Variants in ICE2 observed in about 807,000 individuals in gnomAD.
ICE2 encodes the protein interactor of little elongation complex ELL subunit 2, also known as little elongation complex subunit 2.
A neutral mutation model predicts 105.4 loss-of-function variants in ICE2; 87 were observed. That is an observed-to-expected ratio of 0.83 (90% CI 0.69 to 0.99). ICE2 has a LOEUF of 0.99. Among genes scored for constraint, ICE2 ranks in the 50% least tolerant of loss-of-function variants. The pLI is 0.00. For missense variants in ICE2, 1,323 were observed against 1,146.7 expected, an observed-to-expected ratio of 1.15 and a Z score of -2.22; for synonymous variants, 399 against 392.0, an observed-to-expected ratio of 1.02 and a Z score of -0.21.
chr15:60,452,631 TA>T, intron 9 of ICE2: 1 of 157,816 alleles, frequency 6.3e-6, no homozygotes, highest in Non-Finnish European at 1.4e-5. Flanking sequence ...AAGTTCTCTA[TA>T]AACAATGTAT....
intron 12 of ICE2, chr15:60,438,279 A>T (rs2063641376): frequency 6.6e-6 from 1 of 152,232 alleles, no homozygotes; most frequent in Non-Finnish European, 1.5e-5. Flanking sequence ...CCTAATATTT[A>T]GGTATCAAAA....
chr15:60,459,829 A>C (rs561097651), intron 5 of ICE2, among the ~76,000 whole-genome samples: 14 of 152,288 alleles, frequency 9.2e-5, no homozygotes, highest in Admixed American at 9.2e-4. Context: ...TCGACATGTA[A>C]ATTCCAAACC....
chr15:60,448,534 AAATC>A (rs1258516672), intron 10 of ICE2, among the ~76,000 whole-genome samples: 13 of 152,254 alleles, frequency 8.5e-5, no homozygotes, highest in African/African-American at 1.7e-4. Context: ...AATAAATTTT[AAATC>A]AATCAATGTT....
intron 15 of ICE2, among the ~76,000 whole-genome samples, chr15:60,425,569 C>T (rs1054503605): frequency 1.3e-5 from 2 of 152,144 alleles, no homozygotes; most frequent in Admixed American, 1.3e-4. Context: ...CTACTTGATG[C>T]AGTAGGGAGG....
rs756757402 is a variant in ICE2, at chr15:60,428,414, C to T, written c.2820+15G>A. 9.3e-6 allele frequency: 15 copies of T among 1,604,882 alleles called. No homozygotes were observed. Among genetic ancestry groups the T allele is most frequent in the Admixed American group, 3.4e-5 (2 of 59,032 alleles). On this transcript the variant is annotated intron_variant, in intron 15 of 15. Coordinates refer to ENST00000261520, the MANE Select transcript of ICE2 (RefSeq NM_024611.6). ...AAACAACCTAATGAACCTTTAATTT[C>T]AAAAAAGATCTTACCTTTTGTTGTG...
chr15:60,451,510 AAAT>A, intron 9 of ICE2: 2 of 984,948 alleles, frequency 2.0e-6, no homozygotes, highest in Non-Finnish European at 2.4e-6. Context: ...ACAGAAATCA[AAAT>A]AATTCCAGAA....
chr15:60,433,804 TA>T (rs67870746), intron 13 of ICE2, among the ~76,000 whole-genome samples: 1,937 of 60,832 alleles, frequency 0.032, 23 homozygotes, highest in African/African-American at 0.052. Flanking sequence ...TCCTTTTTTT[TA>T]AAAAAAAAAA....
chr15:60,478,972 G>A (rs1042073321), intron 1 of ICE2, 31 bp downstream of exon 1: 2 of 455,742 alleles, frequency 4.4e-6, no homozygotes, highest in Non-Finnish European at 8.8e-6. Context: ...TCCCGTCCGC[G>A]TCTGGGCTGC....
rs376840012 is a variant in ICE2, at chr15:60,455,030, C to G, written c.916G>C (p.Val306Leu). Residue 306 changes from valine to leucine, a missense_variant, in exon 8 of 16, where the codon GTG (valine) becomes CTG (leucine). Val to Leu is a conservative substitution (Grantham distance 32). Coordinates refer to ENST00000261520, the MANE Select transcript of ICE2 (RefSeq NM_024611.6). ...GCAACAGGTATTACTTGAATACACA[C>G]TGGAATTTCCCACTGTTCCTTGTAC... ...PTYKEQWEIP[V>L]CIQVIPVAGS... 1.9e-4 allele frequency: 303 copies of G among 1,572,558 alleles called. No homozygotes were observed. The highest frequency in any genetic ancestry group is 2.4e-4 in the Non-Finnish European group (283 of 1,167,114).
At chr15:60,454,717 G>T in intron 8 of ICE2, 1 of 269,964 alleles carries the variant, frequency 3.7e-6, no homozygotes, top group African/African-American at 2.2e-5. Flanking sequence ...CTTTAAGTTC[G>T]GGGATACATG....
At chr15:60,451,725 G>A in intron 9 of ICE2, 1 of 540,580 alleles carries the variant, frequency 1.8e-6, no homozygotes, top group African/African-American at 2.1e-5. Context: ...GACTCCTGAG[G>A]TGCAGCCCCT....
At chr15:60,429,348 A>C (rs532712596) in intron 14 of ICE2, among the ~76,000 whole-genome samples, 30 of 152,366 alleles carry the variant, frequency 2.0e-4, no homozygotes, top group African/African-American at 7.2e-4. Flanking sequence ...AGAGATGCTA[A>C]GCAATTTGCC....
chr15:60,464,550 A>AT, intron 5 of ICE2, among the ~76,000 whole-genome samples: 1 of 152,320 alleles, frequency 6.6e-6, no homozygotes, highest in Middle Eastern at 3.4e-3. Flanking sequence ...CGGGGAATAG[A>AT]TTGAGAAAAA....
intron 15 of ICE2, among the ~76,000 whole-genome samples, chr15:60,424,149 G>A (rs959787030): frequency 2.6e-5 from 4 of 151,906 alleles, no homozygotes; most frequent in Middle Eastern, 3.4e-3. Flanking sequence ...GGGAGCGAAA[G>A]GAAATACAAG....
At position 60,445,824 on chromosome 15, in the gene ICE2, C is replaced by G. The variant is rs183613892; in HGVS notation, c.2295+2146G>C. Reference sequence around the variant, plus strand: ...AGAAATACAAAGTGGTATGGGTTCACAGAGTAGGAAGTTAAAGAAATGAGG... The same window carrying G: ...AGAAATACAAAGTGGTATGGGTTCAGAGAGTAGGAAGTTAAAGAAATGAGG... On this transcript the variant is annotated intron_variant, in intron 11 of 15. Coordinates refer to ENST00000261520, the MANE Select transcript of ICE2 (RefSeq NM_024611.6). 2.9e-5 allele frequency: 28 copies of G among 974,464 alleles called. No individual in the cohort carries two copies. The East Asian group carries it at 2.3e-3, about 79-fold the overall frequency. 60.4% of individuals were successfully genotyped at this position (974,464 alleles called of 1,614,324 possible). A position where few individuals can be genotyped will look rare whatever the true frequency, so the allele number is the denominator to read the frequency against.
chr15:60,423,870 C>G lies in ICE2; in HGVS notation c.2821-108G>C, dbSNP rs149722885. ...GTATTAACCACCTTGCAAATAAGCT[C>G]TTATATATTTTTCATCTCCAGCTAG... On this transcript the variant is annotated intron_variant, in intron 15 of 15. Transcript: ENST00000261520. 1.1e-3 allele frequency: 1,085 copies of G among 1,012,408 alleles called. 11 individuals are homozygous for G. The African/African-American group carries it at 0.015, about 14-fold the overall frequency. The allele number at this position is 1,012,408 out of a possible 1,614,324, so 62.7% of individuals were successfully genotyped here. A position where few individuals can be genotyped will look rare whatever the true frequency, so the allele number is the denominator to read the frequency against.
intron 12 of ICE2, 39 bp downstream of exon 12, chr15:60,442,377 A>G: frequency 6.5e-7 from 1 of 1,544,186 alleles, no homozygotes; most frequent in Non-Finnish European, 8.7e-7. Flanking sequence ...TAATTACAAG[A>G]AAATTAAAAA....
chr15:60,471,787 AAC>A (rs1257374021), intron 3 of ICE2, among the ~76,000 whole-genome samples: 3 of 151,804 alleles, frequency 2.0e-5, no homozygotes, highest in East Asian at 1.9e-4. Flanking sequence ...TCTATGGAAA[AAC>A]AAAAAACAAA....
At chr15:60,448,754 A>G in intron 10 of ICE2, 94 bp downstream of exon 10, 1 of 1,085,604 alleles carries the variant, frequency 9.2e-7, no homozygotes, top group Non-Finnish European at 1.3e-6. Context: ...GACAATTACA[A>G]AACAGGTTAT....
Sources: gnomAD v4.1 joint callset for allele counts (sites outside exome capture counted in the v4.1 genomes callset) on GRCh38, gnomAD v4.1.1 for gene constraint, MANE v1.5 for transcripts, NCBI Gene and HGNC (gene_info 2026-07-23, HGNC 2026-07-21) for gene names.